Variants in NIBAN1 observed in about 807,000 individuals in gnomAD.
The protein encoded by NIBAN1 is protein Niban 1.
Under a neutral mutation model 75.1 loss-of-function variants are expected in NIBAN1, and 81 were observed. That is an observed-to-expected ratio of 1.08 (90% confidence interval 0.90 to 1.30). NIBAN1 has a LOEUF of 1.30. Ranked by LOEUF, NIBAN1 falls within the 50% of genes most tolerant of loss-of-function variation. The probability of loss-of-function intolerance (pLI) is 0.00; values close to 1 mark genes in which losing one functional copy is unlikely to be tolerated. For synonymous variants in NIBAN1, 436 were observed against 424.8 expected (o/e 1.03, Z -0.32); for missense variants, 1,133 against 1,128.1 (o/e 1.00, Z -0.06).
intron 5 of NIBAN1, among the ~76,000 whole-genome samples, chr1:184,874,068 A>C (rs948121540): frequency 1.3e-5 from 2 of 151,918 alleles, no homozygotes; most frequent in African/African-American, 2.4e-5. Flanking sequence ...GAGAAACTTA[A>C]GGATGTTGAT....
At chr1:184,947,922 C>T (rs1248592954) in intron 1 of NIBAN1, among the ~76,000 whole-genome samples, 2 of 152,262 alleles carry the variant, frequency 1.3e-5, no homozygotes, top group African/African-American at 4.8e-5. Context: ...TCTTTAATGA[C>T]CTTTAAATTC....
intron 1 of NIBAN1, among the ~76,000 whole-genome samples, chr1:184,970,228 G>A (rs1391344655): frequency 2.7e-5 from 4 of 150,742 alleles, no homozygotes; most frequent in African/African-American, 9.8e-5. Flanking sequence ...GACATACCAC[G>A]GTGTCTACCA....
At chr1:184,827,125 C>A (rs561732250) in intron 6 of NIBAN1, among the ~76,000 whole-genome samples, 6 of 152,282 alleles carry the variant, frequency 3.9e-5, no homozygotes, top group East Asian at 1.9e-4. Context: ...GATTGTGAGG[C>A]CTCACCAGTA....
chr1:184,824,104 G>A (rs1042142242), intron 6 of NIBAN1, among the ~76,000 whole-genome samples: 1 of 152,194 alleles, frequency 6.6e-6, no homozygotes, highest in Non-Finnish European at 1.5e-5. Flanking sequence ...CAGCAAAATT[G>A]TGAAGGAATT....
chr1:184,967,925 C>T lies in NIBAN1; in HGVS notation c.55+6377G>A, dbSNP rs1404763085. Among the ~76,000 whole-genome samples, 6 of 9,216 alleles carry T rather than the reference C, an allele frequency of 6.5e-4. 2 individuals carry two copies. Among genetic ancestry groups the T allele is most frequent in the African/African-American group, 1.8e-3 (6 of 3,406 alleles). 6.0% of individuals were successfully genotyped at this position (9,216 alleles called of 152,430 possible). On this transcript the variant is annotated intron_variant, in intron 1 of 13. Transcript: ENST00000367511. ...ACTCTTAGAAATCACAACTCACGGC[C>T]GGGCGCGGTGGCTCACGCCTGTAAT...
At chr1:184,960,314 T>C (rs1235180775) in intron 1 of NIBAN1, among the ~76,000 whole-genome samples, 1 of 152,218 alleles carries the variant, frequency 6.6e-6, no homozygotes, top group African/African-American at 2.4e-5. Context: ...AAAATGTTGA[T>C]CACCAGATTT....
chr1:184,908,765 T>G (rs972382347), intron 1 of NIBAN1, among the ~76,000 whole-genome samples: 2 of 152,200 alleles, frequency 1.3e-5, no homozygotes, highest in Admixed American at 6.5e-5. Flanking sequence ...AATTTTCTCA[T>G]GATACATCTG....
chr1:184,932,291 C>A (rs1657843209), intron 1 of NIBAN1, among the ~76,000 whole-genome samples: 1 of 152,138 alleles, frequency 6.6e-6, no homozygotes, highest in African/African-American at 2.4e-5. Context: ...TTGCAACTCA[C>A]CATAATGTAC....
At chr1:184,944,045 G>A (rs186866400) in intron 1 of NIBAN1, among the ~76,000 whole-genome samples, 4 of 152,218 alleles carry the variant, frequency 2.6e-5, no homozygotes, top group Non-Finnish European at 5.9e-5. Flanking sequence ...TTACCTCTAC[G>A]GACGTTGCTG....
At position 184,917,631 on chromosome 1, in the gene NIBAN1, C is replaced by T. The variant is rs372502144; in HGVS notation, c.56-18322G>A. Among the ~76,000 whole-genome samples the T allele has an allele frequency of 2.6e-5, 4 of 152,026 alleles. No homozygotes were observed. In the East Asian group the frequency reaches 7.7e-4, roughly 29 times the overall value. On this transcript the variant is annotated intron_variant, in intron 1 of 13. Coordinates refer to ENST00000367511, the MANE Select transcript of NIBAN1 (RefSeq NM_052966.4). Reference sequence around the variant, plus strand: ...AATGGAGATATAATAAGTTTCATTTCTCTTCTATCCACCTCTAAGTTCATC... The same window carrying T: ...AATGGAGATATAATAAGTTTCATTTTTCTTCTATCCACCTCTAAGTTCATC...
chr1:184,823,615 T>C, intron 7 of NIBAN1, 23 bp downstream of exon 7: 1 of 1,609,754 alleles, frequency 6.2e-7, no homozygotes, highest in South Asian at 1.1e-5. Context: ...GTAGCTCAGT[T>C]GTAGAGCAAA....
At chr1:184,949,235 A>G (rs1054689752) in intron 1 of NIBAN1, among the ~76,000 whole-genome samples, 46 of 152,228 alleles carry the variant, frequency 3.0e-4, no homozygotes, top group African/African-American at 1.0e-3. Flanking sequence ...GCGGGCGCCT[A>G]TAGTCCCAGC....
chr1:184,947,981 C>T (rs1658272775), intron 1 of NIBAN1, among the ~76,000 whole-genome samples: 1 of 152,084 alleles, frequency 6.6e-6, no homozygotes, highest in Non-Finnish European at 1.5e-5. Context: ...CCATAATCTC[C>T]TTAAACTATA....
At chr1:184,845,489 G>A (rs1009203054) in intron 5 of NIBAN1, among the ~76,000 whole-genome samples, 8 of 152,338 alleles carry the variant, frequency 5.3e-5, no homozygotes, top group Non-Finnish European at 8.8e-5. Flanking sequence ...GGCCAAGTAT[G>A]ATGGTTCATG....
rs199598291 is a variant in NIBAN1 at position 184,804,772 on chromosome 1, GT to G, written c.1447-1081del. ...GTGTGTTATCATGAGCAATATTGGT[GT>G]TTTTTTTTTTGTTTTTTTGTTTTTT... On this transcript the variant is annotated intron_variant, in intron 11 of 13. Coordinates refer to ENST00000367511, the MANE Select transcript of NIBAN1 (RefSeq NM_052966.4). 2.2e-3 allele frequency among the ~76,000 whole-genome samples: 314 copies of G among 142,216 alleles called. 3 individuals are homozygous for G. The highest frequency in any genetic ancestry group is 6.8e-3 in the African/African-American group (263 of 38,854). The allele number at this position is 142,216 out of a possible 152,430, so 93.3% of individuals were successfully genotyped here.
intron 1 of NIBAN1, among the ~76,000 whole-genome samples, chr1:184,962,393 A>ATTCC (rs1658672253): frequency 6.6e-6 from 1 of 152,198 alleles, no homozygotes; most frequent in Non-Finnish European, 1.5e-5. Flanking sequence ...TGCCTTTGAG[A>ATTCC]ACCATGATTC....
rs77873916 is a variant in NIBAN1 at position 184,900,613 on chromosome 1, C to T, written c.56-1304G>A. On this transcript the variant is annotated intron_variant, in intron 1 of 13. Transcript: ENST00000367511. The stretch of plus-strand genomic sequence containing the variant: ...GACAGGGAGAGTCAGACACCTGAAA[C>T]ATTCTTGCCTTTCCAATCTGTGCTT... Among the ~76,000 whole-genome samples, 923 of 152,212 alleles carry T rather than the reference C, an allele frequency of 6.1e-3. 5 individuals carry two copies. Among genetic ancestry groups the T allele is most frequent in the South Asian group, 0.019 (92 of 4,812 alleles).
intron 11 of NIBAN1, among the ~76,000 whole-genome samples, chr1:184,805,632 C>G (rs1654173231): frequency 2.0e-5 from 3 of 152,200 alleles, no homozygotes; most frequent in South Asian, 2.1e-4. Flanking sequence ...GCCTTGCCTA[C>G]TTTTACATCC....
At chr1:184,905,473 A>T (rs1232357187) in intron 1 of NIBAN1, among the ~76,000 whole-genome samples, 1 of 152,032 alleles carries the variant, frequency 6.6e-6, no homozygotes, top group East Asian at 1.9e-4. Flanking sequence ...TAGGGTAGTA[A>T]CCCCTCGTCC....
Sources: allele counts gnomAD v4.1 joint callset (sites outside exome capture counted in the v4.1 genomes callset), GRCh38; gene constraint gnomAD v4.1.1; transcripts MANE v1.5; gene names NCBI Gene and HGNC (gene_info 2026-07-23, HGNC 2026-07-21).